Variants in AMBRA1 observed in about 807,000 individuals in gnomAD.
AMBRA1 encodes the protein activating molecule in BECN1-regulated autophagy protein 1.
In AMBRA1, 47 loss-of-function variants were observed where a neutral mutation model predicts 125.4. That is an observed-to-expected ratio of 0.37 (90% CI 0.30 to 0.48). The LOEUF is 0.48. Ranked by LOEUF, AMBRA1 falls within the 20% of genes least tolerant of loss-of-function variation. The pLI is 0.99. For synonymous variants in AMBRA1, 626 were observed against 655.5 expected, an observed-to-expected ratio of 0.95 and a Z score of 0.69; for missense variants, 1,331 against 1,693.4, an observed-to-expected ratio of 0.79 and a Z score of 3.76.
chr11:46,472,397 T>C (rs1949635318), intron 11 of AMBRA1, among the ~76,000 whole-genome samples: 6 of 152,234 alleles, frequency 3.9e-5, no homozygotes, highest in Admixed American at 2.6e-4. Flanking sequence ...TGCTAGGACA[T>C]ATATTTAATT....
chr11:46,545,733 G>A lies in AMBRA1; in HGVS notation c.422C>T (p.Ala141Val). Residue 141 changes from alanine (A) to valine (V), a missense_variant, in exon 5 of 18, where the codon GCC (alanine) becomes GTC (valine). By Grantham distance (64) the Ala-to-Val change is moderately conservative. This residue lies in a region of AMBRA1 where 144 missense variants were observed against 250.4 expected (regional missense o/e 0.58). Transcript: ENST00000683756. ...SWFTDSNNAI[A>V]SLAFHPTAQL... ...AGCCGTAGGGTGGAAAGCCAGGGAGGCAATGGCATTGTTGCTATCTGTGAA... is the reference window on the plus strand; with the variant it reads ...AGCCGTAGGGTGGAAAGCCAGGGAGACAATGGCATTGTTGCTATCTGTGAA... 1 of 1,614,154 alleles carries A rather than the reference G, an allele frequency of 6.2e-7. No homozygotes were observed. The highest frequency in any genetic ancestry group is 8.5e-7 in the Non-Finnish European group (1 of 1,180,032).
chr11:46,570,101 A>G (rs1170942084), intron 1 of AMBRA1, among the ~76,000 whole-genome samples: 1 of 151,978 alleles, frequency 6.6e-6, no homozygotes, highest in Non-Finnish European at 1.5e-5. Flanking sequence ...TCGCTACTAA[A>G]AATATAAAAA....
intron 1 of AMBRA1, among the ~76,000 whole-genome samples, chr11:46,583,082 G>A (rs550778889): frequency 3.7e-4 from 57 of 152,140 alleles, no homozygotes; most frequent in African/African-American, 1.3e-3. Flanking sequence ...GAGGCATCAC[G>A]CTACCTGACT....
At chr11:46,534,926 G>A (rs1464091090) in intron 7 of AMBRA1, among the ~76,000 whole-genome samples, 1 of 152,166 alleles carries the variant, frequency 6.6e-6, no homozygotes, top group Non-Finnish European at 1.5e-5. Flanking sequence ...TGCCCAACTT[G>A]GCTTCTCAGA....
chr11:46,531,605 G>A (rs887103862), intron 7 of AMBRA1, among the ~76,000 whole-genome samples: 2 of 151,996 alleles, frequency 1.3e-5, no homozygotes, highest in African/African-American at 4.8e-5. Context: ...AGCTACTTGG[G>A]AGGCTGAGGC....
At chr11:46,409,198 G>T (rs1429632362) in intron 16 of AMBRA1, among the ~76,000 whole-genome samples, 1 of 151,972 alleles carries the variant, frequency 6.6e-6, no homozygotes, top group African/African-American at 2.4e-5. Flanking sequence ...TGGAAGGAAA[G>T]AACTGGAACT....
In AMBRA1 at chr11:46,542,693, C is replaced by T; in HGVS notation, c.1324G>A (p.Ala442Thr). The T allele has an allele frequency of 1.2e-6, 2 of 1,614,158 alleles. No homozygotes were observed. The highest frequency in any genetic ancestry group is 1.7e-6 in the Non-Finnish European group (2 of 1,180,024). ...ACAGACAGCAAACTCACCGAAGAGGCACTGGTTCTGGGCGGGGGCATGGAT... is the reference window on the plus strand; with the variant it reads ...ACAGACAGCAAACTCACCGAAGAGGTACTGGTTCTGGGCGGGGGCATGGAT... ...AESMPPPRTS[A>T]SSVSLLSVLR... The change falls in exon 7 of 18, where the codon GCC becomes ACC. Residue 442 changes from alanine to threonine, a missense_variant. Physicochemically the swap from Ala to Thr is moderately conservative, Grantham distance 58 (BLOSUM62 0). This residue lies in a region of AMBRA1 where 689 missense variants were observed against 776.5 expected (regional missense o/e 0.89). Transcript: ENST00000683756. This position sits in a 1 kb window ranked among gnomAD's most constrained non-coding sequence, Gnocchi z 5.9.
chr11:46,548,202 A>G (rs1385588318), intron 2 of AMBRA1, 44 bp downstream of exon 2: 1 of 1,612,702 alleles, frequency 6.2e-7, no homozygotes, highest in Non-Finnish European at 8.5e-7. Context: ...TCATTCTACC[A>G]TCACCAGCAC....
intron 1 of AMBRA1, among the ~76,000 whole-genome samples, chr11:46,557,176 C>G (rs1213213873): frequency 6.6e-6 from 1 of 151,154 alleles, no homozygotes; most frequent in Non-Finnish European, 1.5e-5. Flanking sequence ...TGACATGTGC[C>G]TGTAGTCCCA....
At chr11:46,469,537 T>G (rs915775443) in intron 11 of AMBRA1, among the ~76,000 whole-genome samples, 6 of 152,156 alleles carry the variant, frequency 3.9e-5, no homozygotes, top group Admixed American at 1.3e-4. Flanking sequence ...ATATGAAAAC[T>G]GTATGAAAAT....
intron 11 of AMBRA1, among the ~76,000 whole-genome samples, chr11:46,444,067 C>T (rs1372052732): frequency 6.6e-6 from 1 of 152,198 alleles, no homozygotes; most frequent in Non-Finnish European, 1.5e-5. Context: ...CACTTTCTTC[C>T]TAATAGGACA....
intron 11 of AMBRA1, among the ~76,000 whole-genome samples, chr11:46,488,570 A>C (rs1176573040): frequency 2.0e-5 from 3 of 152,194 alleles, no homozygotes; most frequent in South Asian, 4.1e-4. Context: ...ATCAGCAAGG[A>C]TATACAAAGC....
chr11:46,468,536 CG>C (rs1204243843), intron 11 of AMBRA1, among the ~76,000 whole-genome samples: 1 of 151,954 alleles, frequency 6.6e-6, no homozygotes, highest in East Asian at 1.9e-4. Flanking sequence ...CAGTGACTCA[CG>C]CCTGTAATCC....
intron 11 of AMBRA1, among the ~76,000 whole-genome samples, chr11:46,464,120 C>A (rs1949222041): frequency 6.6e-6 from 1 of 152,136 alleles, no homozygotes; most frequent in Non-Finnish European, 1.5e-5. Context: ...GGTTTGGAAA[C>A]AATATACAGA....
intron 11 of AMBRA1, among the ~76,000 whole-genome samples, chr11:46,462,223 G>A (rs1042915477): frequency 1.3e-5 from 2 of 152,118 alleles, no homozygotes; most frequent in African/African-American, 4.8e-5. Context: ...TGAGCACGGC[G>A]GTGTAAGCAC....
chr11:46,578,794 T>C (rs1034771163), intron 1 of AMBRA1, among the ~76,000 whole-genome samples: 13 of 136,752 alleles, frequency 9.5e-5, no homozygotes, highest in Non-Finnish European at 1.7e-4. Context: ...GGCAGGAGAA[T>C]GGTGTGAACC....
intron 1 of AMBRA1, among the ~76,000 whole-genome samples, chr11:46,577,202 A>T (rs2043987643): frequency 6.6e-6 from 1 of 152,272 alleles, no homozygotes; most frequent in Admixed American, 6.5e-5. Context: ...AGGCAGAAAC[A>T]GCCCAAATGT....
At position 46,538,486 on chromosome 11, in the gene AMBRA1, T is replaced by C. The variant is rs185653258; in HGVS notation, c.2072+3459A>G. Among the ~76,000 whole-genome samples the C allele has an allele frequency of 1.2e-4, 18 of 152,180 alleles. No individual in the cohort carries two copies. In the East Asian group the frequency reaches 3.1e-3, roughly 26 times the overall value. ...TACTTAAACAAAAAATTATGGTACA[T>C]CCTTAATAGTTTCTGGGTTTTTTTT... On this transcript the variant is annotated intron_variant, in intron 7 of 17. Transcript: ENST00000683756.
At chr11:46,503,611 A>G (rs1454191110) in intron 9 of AMBRA1, among the ~76,000 whole-genome samples, 2 of 152,224 alleles carry the variant, frequency 1.3e-5, no homozygotes, top group Non-Finnish European at 2.9e-5. Context: ...ATACCTGCAA[A>G]GCGCAAAAAA....
Sources: allele counts gnomAD v4.1 joint callset (sites outside exome capture counted in the v4.1 genomes callset), GRCh38; gene constraint gnomAD v4.1.1; regional missense constraint gnomAD v4.1.1; non-coding constraint Gnocchi (gnomAD v3.1); transcripts MANE v1.5; gene names NCBI Gene and HGNC (gene_info 2026-07-23, HGNC 2026-07-21).